Variants in DET1 observed in about 807,000 individuals in gnomAD.
The protein encoded by DET1 is DET1 partner of COP1 E3 ubiquitin ligase.
In DET1, 22 loss-of-function variants were observed where a neutral mutation model predicts 43.7. The ratio of observed to expected loss-of-function variants is 0.50; its 90% CI spans 0.36 to 0.72. The LOEUF (loss-of-function observed/expected upper bound fraction) is 0.72, where lower values mean the gene tolerates loss of function less well. Ranked by LOEUF, DET1 falls within the 30% of genes least tolerant of loss-of-function variation. The probability of loss-of-function intolerance (pLI) is 0.00; values close to 1 mark genes in which losing one functional copy is unlikely to be tolerated. For synonymous variants in DET1, 315 were observed against 266.2 expected (o/e 1.18, Z -1.79); for missense variants, 713 against 713.3 (o/e 1.00, Z 0.00).
At position 88,522,389 on chromosome 15, in the gene DET1, T is replaced by A. The variant is rs193069110; in HGVS notation, c.1271+5210A>T. 6.0e-3 allele frequency among the ~76,000 whole-genome samples: 915 copies of A among 152,180 alleles called. 7 individuals are homozygous for A. Among genetic ancestry groups the A allele is most frequent in the African/African-American group, 0.02 (842 of 41,542 alleles). Reference sequence around the variant, plus strand: ...CTAGGCAGGTACTCTATTTTTTTTTTAAATGTTTCTCTTCTAGGTCCCTTC... The same window carrying A: ...CTAGGCAGGTACTCTATTTTTTTTTAAAATGTTTCTCTTCTAGGTCCCTTC... On this transcript the variant is annotated intron_variant, in intron 3 of 4. Coordinates refer to ENST00000268148, the MANE Select transcript of DET1 (RefSeq NM_001144074.3).
chr15:88,544,695 C>G lies in DET1; in HGVS notation c.-11+1845G>C, dbSNP rs527709153. On this transcript the variant is annotated intron_variant, in intron 1 of 4. Transcript: ENST00000268148. ...GCATTCCTGCTTAGATTCATCACTC[C>G]TGCATCAAAAAGGCCAACAGAGCCC... 1.1e-4 allele frequency among the ~76,000 whole-genome samples: 16 copies of G among 152,290 alleles called. 1 individual carries two copies. In the South Asian group the frequency reaches 3.3e-3, roughly 32 times the overall value.
downstream of DET1, among the ~76,000 whole-genome samples, chr15:88,507,563 G>A (rs1417950319): frequency 6.6e-6 from 1 of 152,214 alleles, no homozygotes; most frequent in African/African-American, 2.4e-5. Flanking sequence ...CTCTTTGCTA[G>A]TGATCAGAAT....
chr15:88,523,958 G>A (rs979972644), intron 3 of DET1, among the ~76,000 whole-genome samples: 8 of 149,768 alleles, frequency 5.3e-5, no homozygotes, highest in South Asian at 2.1e-4. Flanking sequence ...AGTGAGGAGC[G>A]TCTCCACCCG....
At chr15:88,523,971 C>T (rs1283898164) in intron 3 of DET1, among the ~76,000 whole-genome samples, 2 of 150,854 alleles carry the variant, frequency 1.3e-5, no homozygotes, top group African/African-American at 2.4e-5. Context: ...TCCACCCGGC[C>T]GCCATCCCAT....
chr15:88,503,146 C>T (rs1365314632), intron 8 of DET1: 1 of 152,186 alleles, frequency 6.6e-6, no homozygotes, highest in Non-Finnish European at 1.5e-5. Flanking sequence ...TGCCTGTAAT[C>T]CCAGCTACTT....
rs576339465 is a variant in DET1 at position 88,531,304 on chromosome 15, C to T, written c.402G>A (p.Ala134=). ...FFVLLHITNV[A]ANGEHLNREC... ...CCCGGTTCAGGTGCTCACCATTGGC[C>T]GCAACATTGGTAATGTGCAGCAGGA... is the stretch of plus-strand genomic sequence containing the variant. The change falls in exon 2 of 5, where the codon GCG becomes GCA. Residue 134 remains alanine, a synonymous_variant. Transcript: ENST00000268148. This position sits in a 1 kb window ranked among gnomAD's most constrained non-coding sequence, Gnocchi z 6.2. 9 of 1,613,916 alleles carry T rather than the reference C, an allele frequency of 5.6e-6. No individual in the cohort carries two copies. The highest frequency in any genetic ancestry group is 1.1e-5 in the South Asian group (1 of 91,076).
chr15:88,531,414 G>A lies in DET1; in HGVS notation c.292C>T (p.Gln98Ter). The A allele has an allele frequency of 6.2e-7, 1 of 1,614,038 alleles. No individual in the cohort carries two copies. The highest frequency in any genetic ancestry group is 8.5e-7 in the Non-Finnish European group (1 of 1,179,902). The change falls in exon 2 of 5, where the codon CAG (glutamine) becomes TAG (stop). Residue 98 changes from glutamine to a stop codon, truncating the protein, a stop_gained. Coordinates refer to ENST00000268148, the MANE Select transcript of DET1 (RefSeq NM_001144074.3). LOFTEE classifies it high-confidence loss of function. The surrounding 1 kb of genome is among the most constrained non-coding windows in gnomAD (Gnocchi z 6.2). ...GACAGGATTTCTCCTTCGTATCCCTGCAGTAGGTCCTCTGCTGCCTGGCAG... is the reference window on the plus strand; with the variant it reads ...GACAGGATTTCTCCTTCGTATCCCTACAGTAGGTCCTCTGCTGCCTGGCAG... ...QGCQAAEDLL[Q>*]GYEGEILSNG...
At chr15:88,514,687 A>G (rs2056292738) in intron 4 of DET1, among the ~76,000 whole-genome samples, 1 of 152,214 alleles carries the variant, frequency 6.6e-6, no homozygotes, top group African/African-American at 2.4e-5. Flanking sequence ...ACAAAAAATG[A>G]TGCTAACCGT....
At chr15:88,536,412 A>G in intron 1 of DET1, 1 of 711,826 alleles carries the variant, frequency 1.4e-6, no homozygotes, top group East Asian at 2.6e-5. Flanking sequence ...GCGCTCATAA[A>G]TATGTTAAAA....
chr15:88,530,793 G>A lies in DET1; in HGVS notation c.913C>T (p.Arg305Cys), dbSNP rs781251361. ...GCACTACCATCCTGTTCTGCCCGGC[G>A]CCACAAATATACCAGCAACCGGTGT... The part of the protein sequence containing the change: ...LKHRLLVYLW[R>C]RAEQDGSAMA... Residue 305 changes from arginine to cysteine, a missense_variant, in exon 2 of 5, where the codon CGC becomes TGC. Arg to Cys is a radical substitution (Grantham distance 180). Coordinates refer to ENST00000268148, the MANE Select transcript of DET1 (RefSeq NM_001144074.3). The A allele has an allele frequency of 3.0e-5, 48 of 1,613,778 alleles. No homozygotes were observed. The highest frequency in any genetic ancestry group is 5.3e-5 in the African/African-American group (4 of 74,922).
At chr15:88,532,802 A>G (rs141934522) in intron 1 of DET1, among the ~76,000 whole-genome samples, 1 of 152,252 alleles carries the variant, frequency 6.6e-6, no homozygotes. Flanking sequence ...AAATAGGAAA[A>G]GAATCTAAAT....
rs372034906 is a variant in DET1 at position 88,531,684 on chromosome 15, T to C, written c.22A>G (p.Ile8Val). ...TGGTTTTGGATTCTTCGAGGCTTGATGGTAGAAACATGATGATCCATTATC... is the reference window on the plus strand; with the variant it reads ...TGGTTTTGGATTCTTCGAGGCTTGACGGTAGAAACATGATGATCCATTATC... MDHHVST[I>V]KPRRIQNQNV... The change falls in exon 2 of 5, where the codon ATC becomes GTC. Residue 8 changes from isoleucine (I) to valine (V), a missense_variant. Ile to Val is a conservative substitution (Grantham distance 29). Coordinates refer to ENST00000268148, the MANE Select transcript of DET1 (RefSeq NM_001144074.3). This position sits in a 1 kb window ranked among gnomAD's most constrained non-coding sequence, Gnocchi z 6.2. 18 of 1,610,028 alleles carry C rather than the reference T, an allele frequency of 1.1e-5. No homozygotes were observed. The East Asian group carries it at 2.0e-4, about 18-fold the overall frequency.
rs537733540 is a variant in DET1, at chr15:88,542,812, G to A, written c.-11+3728C>T. Among the ~76,000 whole-genome samples, 3 of 152,106 alleles carry A rather than the reference G, an allele frequency of 2.0e-5. No individual in the cohort carries two copies. In the South Asian group the frequency reaches 6.2e-4, roughly 32 times the overall value. ...GGGTTCCCACCAGAAAAGTAAAAGA[G>A]GTGAACAGGCCTCTCTAGGAAAAGA... is the stretch of plus-strand genomic sequence containing the variant. On this transcript the variant is annotated intron_variant, in intron 1 of 4. Coordinates refer to ENST00000268148, the MANE Select transcript of DET1 (RefSeq NM_001144074.3).
chr15:88,530,059 T>C lies in DET1; in HGVS notation c.1083+564A>G, dbSNP rs532001892. On this transcript the variant is annotated intron_variant, in intron 2 of 4. Coordinates refer to ENST00000268148, the MANE Select transcript of DET1 (RefSeq NM_001144074.3). ...CCTCTTCACTGCTCTACAACCTATG[T>C]CCCAGCATGTGGGCAAGGTCAGGGT... is the stretch of plus-strand genomic sequence containing the variant. 2.2e-4 allele frequency among the ~76,000 whole-genome samples: 33 copies of C among 152,326 alleles called. 1 individual carries two copies. The highest frequency in any genetic ancestry group is 7.7e-4 in the African/African-American group (32 of 41,572).
At chr15:88,515,419 A>AC (rs1229708630) in intron 4 of DET1, among the ~76,000 whole-genome samples, 1 of 151,532 alleles carries the variant, frequency 6.6e-6, no homozygotes, top group Admixed American at 6.6e-5. Flanking sequence ...GGCGCCTGTA[A>AC]TCCCAGCTAC....
chr15:88,522,536 G>T (rs2056525644), intron 3 of DET1, among the ~76,000 whole-genome samples: 3 of 16,310 alleles, frequency 1.8e-4, no homozygotes, highest in South Asian at 7.5e-3. Flanking sequence ...TTGAGTTGGA[G>T]TCTCGTTCTG....
chr15:88,524,218 G>T (rs2056592299), intron 3 of DET1, among the ~76,000 whole-genome samples: 1 of 151,790 alleles, frequency 6.6e-6, no homozygotes, highest in East Asian at 1.9e-4. Flanking sequence ...AGCCCGTCTG[G>T]GAGGTGAGGA....
At chr15:88,542,323 G>A (rs1459690492) in intron 1 of DET1, among the ~76,000 whole-genome samples, 3 of 152,140 alleles carry the variant, frequency 2.0e-5, no homozygotes, top group Non-Finnish European at 2.9e-5. Context: ...TGGAAGGAGA[G>A]CCTTGGACGA....
rs377640508 is a variant in DET1, at chr15:88,522,742, T to C, written c.1271+4857A>G. On this transcript the variant is annotated intron_variant, in intron 3 of 4. Transcript: ENST00000268148. ...ACCATGGTAGCCAGGATGGTCTCCA[T>C]CTCCTGACCTCATGATCCGCCTGCC... Among the ~76,000 whole-genome samples, 106 of 151,892 alleles carry C rather than the reference T, an allele frequency of 7.0e-4. No individual in the cohort carries two copies. In the South Asian group the frequency reaches 0.02, roughly 29 times the overall value.
Sources: gnomAD v4.1 joint callset for allele counts (sites outside exome capture counted in the v4.1 genomes callset) on GRCh38, gnomAD v4.1.1 for gene constraint, Gnocchi (gnomAD v3.1) non-coding constraint, MANE v1.5 for transcripts, NCBI Gene and HGNC (gene_info 2026-07-23, HGNC 2026-07-21) for gene names.